The following ESRRG variants were observed in gnomAD, a reference collection of about 807,000 sequenced individuals.
ESRRG encodes the protein estrogen related receptor gamma.
ESRRG carries 13 observed loss-of-function variants against 44.0 expected under a neutral mutation model. That is an observed-to-expected ratio of 0.30 (90% CI 0.19 to 0.47). The LOEUF (loss-of-function observed/expected upper bound fraction) is 0.47, where lower values mean the gene tolerates loss of function less well. ESRRG is among the 20% of genes least tolerant of loss of function. The pLI is 1.00. For missense variants in ESRRG, 395 were observed against 580.6 expected, an observed-to-expected ratio of 0.68 and a Z score of 3.29; for synonymous variants, 215 against 214.6, an observed-to-expected ratio of 1.00 and a Z score of -0.02.
chr1:216,670,275 G>A (rs1458972023), intron 2 of ESRRG, among the ~76,000 whole-genome samples: 1 of 152,230 alleles, frequency 6.6e-6, no homozygotes, highest in African/African-American at 2.4e-5. Context: ...GGACTACACT[G>A]CCTGCTTCAG....
At chr1:216,881,174 C>T (rs184781876) in intron 2 of ESRRG, among the ~76,000 whole-genome samples, 58 of 152,094 alleles carry the variant, frequency 3.8e-4, no homozygotes, top group Non-Finnish European at 1.8e-4. Context: ...GAACCAGTTC[C>T]TAAATAAACC....
chr1:216,723,947 G>T (rs1259302913), upstream of ESRRG, among the ~76,000 whole-genome samples: 3 of 152,050 alleles, frequency 2.0e-5, no homozygotes, highest in African/African-American at 7.2e-5. Context: ...TACACCGGGG[G>T]CCGCGGCTTA....
At chr1:216,611,048 C>T (rs1037055893) in intron 3 of ESRRG, among the ~76,000 whole-genome samples, 3 of 151,648 alleles carry the variant, frequency 2.0e-5, no homozygotes, top group Non-Finnish European at 2.9e-5. Flanking sequence ...GCTAAAAATA[C>T]AAAAATTAGC....
intron 1 of ESRRG, among the ~76,000 whole-genome samples, chr1:216,983,820 A>G (rs1041090626): frequency 6.6e-6 from 1 of 152,036 alleles, no homozygotes; most frequent in African/African-American, 2.4e-5. Context: ...ATTCTTCTAT[A>G]AGATGATATA....
At chr1:216,700,800 A>G (rs573934942) in intron 1 of ESRRG, among the ~76,000 whole-genome samples, 24 of 152,256 alleles carry the variant, frequency 1.6e-4, no homozygotes, top group African/African-American at 5.8e-4. Context: ...AAAATATTAT[A>G]TTTTCATAGT....
At chr1:216,786,779 A>G (rs1397596885) in intron 2 of ESRRG, among the ~76,000 whole-genome samples, 1 of 152,152 alleles carries the variant, frequency 6.6e-6, no homozygotes, top group African/African-American at 2.4e-5. Context: ...TTATTGACAC[A>G]CACTATCTAG....
chr1:216,957,960 C>A (rs959449894), intron 1 of ESRRG, among the ~76,000 whole-genome samples: 3 of 152,112 alleles, frequency 2.0e-5, no homozygotes, highest in African/African-American at 7.2e-5. Context: ...CCAGAGGAAA[C>A]CAATGTTCTG....
intron 2 of ESRRG, among the ~76,000 whole-genome samples, chr1:216,868,721 T>A (rs1328128225): frequency 6.6e-6 from 1 of 152,168 alleles, no homozygotes; most frequent in Non-Finnish European, 1.5e-5. Flanking sequence ...TACAGTCTCA[T>A]CAGCACTAGG....
intron 2 of ESRRG, among the ~76,000 whole-genome samples, chr1:216,834,312 G>C (rs553381851): frequency 6.6e-6 from 1 of 152,200 alleles, no homozygotes; most frequent in Admixed American, 6.5e-5. Flanking sequence ...GAGGCGGGAA[G>C]ATCACTTGAG....
intron 1 of ESRRG, among the ~76,000 whole-genome samples, chr1:217,033,438 C>T (rs1159716467): frequency 1.8e-4 from 27 of 152,132 alleles, no homozygotes; most frequent in Non-Finnish European, 7.3e-5. Flanking sequence ...AACTTCTGAA[C>T]TCCTTTTATG....
chr1:217,040,052 T>A (rs2083564851), intron 1 of ESRRG, among the ~76,000 whole-genome samples: 1 of 152,114 alleles, frequency 6.6e-6, no homozygotes, highest in Non-Finnish European at 1.5e-5. Flanking sequence ...ACAGAGAGTG[T>A]GTGTAAGGTG....
intron 1 of ESRRG, among the ~76,000 whole-genome samples, chr1:217,086,076 T>C (rs946759799): frequency 6.6e-6 from 1 of 152,218 alleles, no homozygotes; most frequent in Non-Finnish European, 1.5e-5. Context: ...TTTTTAAAAA[T>C]CACAATATTA....
At chr1:216,905,494 T>C (rs2059587205) in intron 2 of ESRRG, among the ~76,000 whole-genome samples, 2 of 152,102 alleles carry the variant, frequency 1.3e-5, no homozygotes, top group Admixed American at 1.3e-4. Flanking sequence ...TTGTTCTCTC[T>C]CATATCCTCA....
intron 1 of ESRRG, among the ~76,000 whole-genome samples, chr1:217,079,312 T>C (rs1558223247): frequency 6.6e-6 from 1 of 152,228 alleles, no homozygotes; most frequent in Non-Finnish European, 1.5e-5. Flanking sequence ...TTTTTCACTA[T>C]TGTGCTTTTT....
chr1:216,946,922 A>G (rs1048108195), intron 1 of ESRRG, among the ~76,000 whole-genome samples: 4 of 151,724 alleles, frequency 2.6e-5, no homozygotes, highest in Non-Finnish European at 5.9e-5. Context: ...CTGGTCTCGA[A>G]CTCCTGACCT....
At chr1:216,565,918 G>T (rs1380222428) in intron 4 of ESRRG, among the ~76,000 whole-genome samples, 1 of 151,552 alleles carries the variant, frequency 6.6e-6, no homozygotes. Context: ...TAGATTCTCA[G>T]GATTAGAAGA....
At chr1:216,935,147 C>A (rs965448649) in intron 2 of ESRRG, among the ~76,000 whole-genome samples, 3 of 152,272 alleles carry the variant, frequency 2.0e-5, no homozygotes, top group Non-Finnish European at 2.9e-5. Context: ...CTTTTGCTTT[C>A]CCACATGTCA....
intron 1 of ESRRG, among the ~76,000 whole-genome samples, chr1:216,701,827 T>C (rs1036928499): frequency 1.3e-5 from 2 of 152,220 alleles, no homozygotes; most frequent in Non-Finnish European, 2.9e-5. Flanking sequence ...ATTTGCTACT[T>C]ATCCCATATA....
At chr1:216,802,700 C>T (rs961210318) in intron 2 of ESRRG, among the ~76,000 whole-genome samples, 2 of 151,962 alleles carry the variant, frequency 1.3e-5, no homozygotes, top group African/African-American at 4.8e-5. Flanking sequence ...ATGTTTATGC[C>T]CATCCTTTAC....
Sources: allele counts gnomAD v4.1 joint callset (sites outside exome capture counted in the v4.1 genomes callset), GRCh38; gene constraint gnomAD v4.1.1; transcripts MANE v1.5; gene names NCBI Gene and HGNC (gene_info 2026-07-23, HGNC 2026-07-21).